The following DLGAP2 variants were observed in gnomAD, a reference collection of about 807,000 sequenced individuals.
DLGAP2 encodes disks large-associated protein 2.
A neutral mutation model predicts 100.3 loss-of-function variants in DLGAP2; 26 were observed. The observed-to-expected ratio is 0.26, with a 90% CI of 0.19 to 0.36. DLGAP2 has a LOEUF of 0.36. Ranked by LOEUF, DLGAP2 falls within the 10% of genes least tolerant of loss-of-function variation. The pLI is 1.00. For missense variants in DLGAP2, 1,858 were observed against 1,453.2 expected, an observed-to-expected ratio of 1.28 and a Z score of -4.53; for synonymous variants, 886 against 630.1, an observed-to-expected ratio of 1.41 and a Z score of -6.08.
chr8:1,478,005 G>A (rs527423586), intron 3 of DLGAP2, among the ~76,000 whole-genome samples: 30 of 152,316 alleles, frequency 2.0e-4, no homozygotes, highest in South Asian at 2.1e-4. Context: ...CTCTCTGTTC[G>A]TAGGGTTTAA....
At chr8:889,800 C>G (rs577913570) in intron 1 of DLGAP2, among the ~76,000 whole-genome samples, 5 of 152,218 alleles carry the variant, frequency 3.3e-5, no homozygotes, top group Non-Finnish European at 4.4e-5. Context: ...CCCCTCCCCC[C>G]AGGAGTTCTG....
intron 3 of DLGAP2, among the ~76,000 whole-genome samples, chr8:1,323,623 C>T (rs1250217155): frequency 1.3e-5 from 2 of 152,224 alleles, no homozygotes; most frequent in Non-Finnish European, 2.9e-5. Context: ...AGATACGGAG[C>T]GGGCAGCAAT....
At chr8:790,906 T>C (rs1410851995) in intron 1 of DLGAP2, among the ~76,000 whole-genome samples, 6 of 152,052 alleles carry the variant, frequency 3.9e-5, no homozygotes, top group Non-Finnish European at 8.8e-5. Flanking sequence ...CCACCATGCC[T>C]GACTAATTTT....
chr8:864,090 C>A (rs1473986174), intron 1 of DLGAP2, among the ~76,000 whole-genome samples: 1 of 152,112 alleles, frequency 6.6e-6, no homozygotes, highest in African/African-American at 2.4e-5. Context: ...TAAAGTGAGC[C>A]AGGCAGAGAA....
At chr8:1,345,546 C>G (rs543298943) in intron 3 of DLGAP2, among the ~76,000 whole-genome samples, 1 of 152,124 alleles carries the variant, frequency 6.6e-6, no homozygotes, top group Non-Finnish European at 1.5e-5. Context: ...TCTGATAAGC[C>G]ATCTTTATTG....
chr8:1,657,931 T>C (rs1023565922), intron 8 of DLGAP2, among the ~76,000 whole-genome samples: 2 of 152,038 alleles, frequency 1.3e-5, no homozygotes, highest in African/African-American at 4.8e-5. Context: ...AAAAGTTTAA[T>C]AGAAAAAGAA....
At chr8:1,235,339 G>A (rs1188360336) in intron 2 of DLGAP2, among the ~76,000 whole-genome samples, 3 of 150,824 alleles carry the variant, frequency 2.0e-5, no homozygotes, top group African/African-American at 2.4e-5. Flanking sequence ...ATGGCGCCGT[G>A]TCTAGTTATC....
At chr8:1,656,050 G>A (rs1798277026) in intron 8 of DLGAP2, among the ~76,000 whole-genome samples, 1 of 152,236 alleles carries the variant, frequency 6.6e-6, no homozygotes, top group Non-Finnish European at 1.5e-5. Context: ...GAGGCCAGGT[G>A]TGGCATCTCA....
intron 1 of DLGAP2, among the ~76,000 whole-genome samples, chr8:844,568 C>T (rs571585762): frequency 7.2e-5 from 11 of 152,290 alleles, no homozygotes; most frequent in African/African-American, 1.4e-4. Flanking sequence ...TGGTAGACTA[C>T]GGTCTCTCTT....
intron 3 of DLGAP2, among the ~76,000 whole-genome samples, chr8:1,429,120 C>T (rs1428989672): frequency 2.0e-5 from 3 of 152,118 alleles, no homozygotes; most frequent in African/African-American, 7.2e-5. Flanking sequence ...GGAAACAAAA[C>T]AAAACATGTT....
Position 1,280,923 on chromosome 8 carries a change from G to A in DLGAP2, c.106+22040G>A, listed in dbSNP as rs187423580. Among the ~76,000 whole-genome samples the A allele has an allele frequency of 5.3e-5, 8 of 152,310 alleles. No homozygotes were observed. In the East Asian group the frequency reaches 9.7e-4, roughly 18 times the overall value. On this transcript the variant is annotated intron_variant, in intron 3 of 14. Transcript: ENST00000637795. The stretch of plus-strand genomic sequence containing the variant: ...CGTATTCTGGGAACAAGTCCACTGC[G>A]TTTGTATCAGAAGCTATATGGGGAA...
chr8:1,544,614 A>C (rs1310221937), intron 4 of DLGAP2, among the ~76,000 whole-genome samples: 1 of 152,120 alleles, frequency 6.6e-6, no homozygotes, highest in Non-Finnish European at 1.5e-5. Flanking sequence ...AAAGTGATTT[A>C]TTACATTGAT....
intron 2 of DLGAP2, among the ~76,000 whole-genome samples, chr8:936,972 GC>G (rs1799086768): frequency 6.6e-6 from 1 of 152,182 alleles, no homozygotes; most frequent in Admixed American, 6.5e-5. Flanking sequence ...AAAGGCCTAG[GC>G]TTATGTGTGA....
intron 2 of DLGAP2, among the ~76,000 whole-genome samples, chr8:993,957 T>TGTGGAGTAGACTTAGTATAGAGAATGAAA (rs1312160306): frequency 6.6e-6 from 1 of 152,122 alleles, no homozygotes; most frequent in Admixed American, 6.5e-5. Flanking sequence ...GGTTTGTAAT[T>TGTGGAGTAGACTTAGTATAGAGAATGAAA]GTGGAGTAGA....
chr8:1,583,853 G>A (rs1796028938), intron 6 of DLGAP2, among the ~76,000 whole-genome samples: 1 of 151,992 alleles, frequency 6.6e-6, no homozygotes, highest in African/African-American at 2.4e-5. Flanking sequence ...TTCGTGATCT[G>A]CCCCCGGAAA....
intron 2 of DLGAP2, among the ~76,000 whole-genome samples, chr8:1,247,292 T>A (rs113278009): frequency 1.9e-5 from 1 of 51,618 alleles, no homozygotes; most frequent in Non-Finnish European, 3.6e-5. Context: ...CATCGGTGGC[T>A]GGGAAGACCA....
chr8:1,085,574 C>T (rs551872957), intron 2 of DLGAP2, among the ~76,000 whole-genome samples: 1 of 152,268 alleles, frequency 6.6e-6, no homozygotes, highest in Non-Finnish European at 1.5e-5. Flanking sequence ...GAAGATCAAG[C>T]TGTGCATGTG....
At chr8:1,171,305 A>G (rs186925084) in intron 2 of DLGAP2, among the ~76,000 whole-genome samples, 3 of 152,224 alleles carry the variant, frequency 2.0e-5, no homozygotes, top group Non-Finnish European at 4.4e-5. Flanking sequence ...CTTCCAGAGT[A>G]TGTGGTCAGT....
intron 2 of DLGAP2, among the ~76,000 whole-genome samples, chr8:1,047,132 A>G (rs1585011176): frequency 6.6e-6 from 1 of 152,228 alleles, no homozygotes; most frequent in African/African-American, 2.4e-5. Flanking sequence ...ACTGGTTGGC[A>G]GTCACTGCCC....
Sources: gnomAD v4.1 joint callset for allele counts (sites outside exome capture counted in the v4.1 genomes callset) on GRCh38, gnomAD v4.1.1 for gene constraint, MANE v1.5 for transcripts, NCBI Gene and HGNC (gene_info 2026-07-23, HGNC 2026-07-21) for gene names.